COX10: variants seen among roughly 807,000 people sequenced by gnomAD.
COX10 encodes the protein protoheme IX farnesyltransferase, mitochondrial.
Under a neutral mutation model 37.3 loss-of-function variants are expected in COX10, and 27 were observed. The observed-to-expected ratio is 0.72, with a 90% CI of 0.53 to 1.00. The LOEUF is 1.00. Ranked by LOEUF, COX10 falls within the 50% of genes least tolerant of loss-of-function variation. COX10 has a pLI of 0.00. For synonymous variants in COX10, 222 were observed against 229.1 expected (o/e 0.97, Z 0.28); for missense variants, 475 against 563.2 (o/e 0.84, Z 1.59).
chr17:14,086,460 GT>G (rs1255028293), intron 3 of COX10, among the ~76,000 whole-genome samples: 1 of 152,078 alleles, frequency 6.6e-6, no homozygotes, highest in African/African-American at 2.4e-5. Context: ...TTCTGCTAAT[GT>G]TTTAATTGGG....
intron 4 of COX10, among the ~76,000 whole-genome samples, chr17:14,116,335 C>A (rs974679630): frequency 1.3e-5 from 2 of 152,012 alleles, no homozygotes; most frequent in African/African-American, 4.8e-5. Context: ...AAATGTATTT[C>A]AAAGATACAT....
chr17:14,128,767 T>C (rs956139773), intron 4 of COX10, among the ~76,000 whole-genome samples: 1 of 152,252 alleles, frequency 6.6e-6, no homozygotes, highest in African/African-American at 2.4e-5. Context: ...AGCAGGACTA[T>C]AGAACCTAAA....
intron 6 of COX10, among the ~76,000 whole-genome samples, chr17:14,194,790 A>G (rs1906318719): frequency 6.6e-6 from 1 of 152,018 alleles, no homozygotes; most frequent in South Asian, 2.1e-4. Context: ...TTGTATACAA[A>G]CTCATTAATG....
chr17:14,101,341 C>A (rs1022021693), intron 3 of COX10, among the ~76,000 whole-genome samples: 1 of 152,090 alleles, frequency 6.6e-6, no homozygotes, highest in Non-Finnish European at 1.5e-5. Context: ...CTAGAAAATC[C>A]AACTTAAATG....
intron 3 of COX10, among the ~76,000 whole-genome samples, chr17:14,089,891 ACT>A (rs751454142): frequency 2.0e-5 from 3 of 151,816 alleles, no homozygotes; most frequent in South Asian, 2.1e-4. Context: ...CCGATTCAAC[ACT>A]CTCTCCTAGC....
chr17:14,205,219 C>G (rs1404976099), intron 6 of COX10, among the ~76,000 whole-genome samples: 4 of 152,066 alleles, frequency 2.6e-5, no homozygotes, highest in Admixed American at 2.6e-4. Context: ...TGTTAATCTT[C>G]TTTTTTACAC....
chr17:14,175,904 A>G (rs1262073563), intron 5 of COX10, among the ~76,000 whole-genome samples: 16 of 151,880 alleles, frequency 1.1e-4, no homozygotes, highest in Admixed American at 3.3e-4. Flanking sequence ...CAGTGTGGTG[A>G]GAACATAATG....
intron 4 of COX10, among the ~76,000 whole-genome samples, chr17:14,147,469 T>TAG (rs1445517869): frequency 1.3e-5 from 2 of 151,914 alleles, no homozygotes; most frequent in African/African-American, 4.8e-5. Context: ...CCCATGGAGA[T>TAG]AGAGAGTAGA....
rs1157296606 is a variant in COX10, at chr17:14,182,767, G to T, written c.696-9222G>T. Among the ~76,000 whole-genome samples, 5 of 151,360 alleles carry T rather than the reference G, an allele frequency of 3.3e-5. No homozygotes were observed. In the East Asian group the frequency reaches 9.7e-4, roughly 29 times the overall value. ...ACCAAGAAGTATGAAATTAATTTTT[G>T]TCTAAACTAATTACCTGCAGAGCTG... On this transcript the variant is annotated intron_variant, in intron 5 of 6. Coordinates refer to ENST00000261643, the MANE Select transcript of COX10 (RefSeq NM_001303.4).
intron 4 of COX10, among the ~76,000 whole-genome samples, chr17:14,125,453 A>G (rs1916321912): frequency 2.0e-5 from 3 of 152,236 alleles, no homozygotes; most frequent in Non-Finnish European, 4.4e-5. Context: ...ATAAATTTTT[A>G]CTTTAATACT....
intron 3 of COX10, among the ~76,000 whole-genome samples, chr17:14,078,068 T>C (rs1048739020): frequency 6.6e-6 from 1 of 151,848 alleles, no homozygotes; most frequent in Non-Finnish European, 1.5e-5. Flanking sequence ...GGGGCTTTGG[T>C]GAAGGAGCTA....
At chr17:14,074,136 A>T (rs1167014720) in intron 1 of COX10, among the ~76,000 whole-genome samples, 187 bp from the exon 2 acceptor site, 1 of 152,238 alleles carries the variant, frequency 6.6e-6, no homozygotes, top group East Asian at 1.9e-4. Flanking sequence ...ACACGGACTT[A>T]AACAATGAGT....
intron 4 of COX10, among the ~76,000 whole-genome samples, chr17:14,107,670 TACACAC>T (rs57092278): frequency 6.7e-5 from 10 of 149,728 alleles, no homozygotes; most frequent in South Asian, 4.2e-4. Flanking sequence ...TGTACTGTTT[TACACAC>T]ACACACACAC....
At chr17:14,141,155 G>A (rs556188153) in intron 4 of COX10, among the ~76,000 whole-genome samples, 4 of 151,868 alleles carry the variant, frequency 2.6e-5, no homozygotes, top group Non-Finnish European at 5.9e-5. Flanking sequence ...GAAACCGTTC[G>A]AAAATAATTA....
intron 4 of COX10, among the ~76,000 whole-genome samples, chr17:14,152,938 G>C (rs1216618378): frequency 6.6e-6 from 1 of 152,172 alleles, no homozygotes; most frequent in Non-Finnish European, 1.5e-5. Flanking sequence ...TGAGCCAACA[G>C]ATTCACAATT....
intron 4 of COX10, among the ~76,000 whole-genome samples, chr17:14,105,756 GAAAC>G (rs1186878074): frequency 1.3e-5 from 2 of 151,932 alleles, no homozygotes; most frequent in East Asian, 3.9e-4. Flanking sequence ...GATACAGCTG[GAAAC>G]AAACAAATAT....
At chr17:14,197,722 C>A (rs1271262743) in intron 6 of COX10, among the ~76,000 whole-genome samples, 1 of 146,946 alleles carries the variant, frequency 6.8e-6, no homozygotes, top group Non-Finnish European at 1.5e-5. Context: ...GTCACAGTGC[C>A]AACGGCTTTC....
intron 6 of COX10, among the ~76,000 whole-genome samples, chr17:14,205,279 C>T (rs1273408259): frequency 1.3e-5 from 2 of 151,936 alleles, no homozygotes; most frequent in African/African-American, 2.4e-5. Flanking sequence ...AATACTGTCC[C>T]CTCCACCAGC....
At chr17:14,096,370 TTTTTTTTC>T (rs1274791411) in intron 3 of COX10, among the ~76,000 whole-genome samples, 2 of 106,386 alleles carry the variant, frequency 1.9e-5, no homozygotes, top group African/African-American at 7.2e-5. Context: ...GTGTGTTTTT[TTTTTTTTC>T]TTTTTTTTTT....
Sources: gnomAD v4.1 joint callset for allele counts (sites outside exome capture counted in the v4.1 genomes callset) on GRCh38, gnomAD v4.1.1 for gene constraint, MANE v1.5 for transcripts, NCBI Gene and HGNC (gene_info 2026-07-23, HGNC 2026-07-21) for gene names.